The following GALNT17 variants were observed in gnomAD, a reference collection of about 807,000 sequenced individuals.
GALNT17 encodes the protein polypeptide N-acetylgalactosaminyltransferase 17, also known as UDP-GalNAc:polypeptide N-acetylgalactosaminyltransferase-like 3.
Under a neutral mutation model 63.7 loss-of-function variants are expected in GALNT17, and 29 were observed. The observed-to-expected ratio is 0.46, with a 90% CI of 0.34 to 0.62. The LOEUF is 0.62. GALNT17 is among the 20% of genes least tolerant of loss of function. The pLI, the probability that GALNT17 is intolerant of heterozygous loss-of-function variation, is 0.01. For synonymous variants in GALNT17, 305 were observed against 318.3 expected, an observed-to-expected ratio of 0.96 and a Z score of 0.45; for missense variants, 603 against 799.6, an observed-to-expected ratio of 0.75 and a Z score of 2.97.
At chr7:71,264,284 A>G (rs930411459) in intron 1 of GALNT17, among the ~76,000 whole-genome samples, 5 of 151,672 alleles carry the variant, frequency 3.3e-5, no homozygotes, top group Admixed American at 6.6e-5. Context: ...GAAGGACACA[A>G]CCCTTTATTT....
intron 3 of GALNT17, among the ~76,000 whole-genome samples, chr7:71,407,331 C>T (rs541123459): frequency 6.6e-6 from 1 of 152,164 alleles, no homozygotes; most frequent in Non-Finnish European, 1.5e-5. Flanking sequence ...GAGGGGCAGG[C>T]CAGCTGACCA....
At chr7:71,548,132 C>T (rs1259356282) in intron 5 of GALNT17, among the ~76,000 whole-genome samples, 1 of 151,386 alleles carries the variant, frequency 6.6e-6, no homozygotes, top group Non-Finnish European at 1.5e-5. Context: ...ATCCCAGCTA[C>T]TTGGGAGGCT....
chr7:71,458,758 A>G (rs986606344), intron 5 of GALNT17, among the ~76,000 whole-genome samples: 4 of 152,104 alleles, frequency 2.6e-5, no homozygotes, highest in Admixed American at 6.6e-5. Flanking sequence ...CTCCTCTCCA[A>G]CCGTCCCCAG....
intron 1 of GALNT17, among the ~76,000 whole-genome samples, chr7:71,193,339 A>G (rs895606705): frequency 2.0e-5 from 3 of 151,774 alleles, no homozygotes; most frequent in Non-Finnish European, 2.9e-5. Context: ...GCCTCAAGCC[A>G]TCTTCCTGCC....
chr7:71,651,955 G>A (rs1291353660), intron 6 of GALNT17, among the ~76,000 whole-genome samples: 2 of 152,164 alleles, frequency 1.3e-5, no homozygotes, highest in South Asian at 2.1e-4. Flanking sequence ...CCCCAGCTCG[G>A]CCTCCCAAAG....
intron 6 of GALNT17, among the ~76,000 whole-genome samples, chr7:71,654,696 T>G (rs200880442): frequency 2.0e-5 from 1 of 48,874 alleles, no homozygotes; most frequent in South Asian, 1.4e-3. Flanking sequence ...AATCTTTAAC[T>G]TCAGGTATCT....
chr7:71,494,134 AG>A (rs1267411243), intron 5 of GALNT17, among the ~76,000 whole-genome samples: 1 of 151,818 alleles, frequency 6.6e-6, no homozygotes, highest in Non-Finnish European at 1.5e-5. Context: ...GTGAAGGGGA[AG>A]CAAACTTGGG....
chr7:71,215,782 C>T (rs990428346), intron 1 of GALNT17, among the ~76,000 whole-genome samples: 3 of 152,194 alleles, frequency 2.0e-5, no homozygotes, highest in Non-Finnish European at 2.9e-5. Context: ...AGAACAAGGG[C>T]AGCGTTCTCA....
intron 9 of GALNT17, among the ~76,000 whole-genome samples, chr7:71,701,185 T>C (rs779800974): frequency 3.9e-5 from 6 of 152,038 alleles, no homozygotes; most frequent in Non-Finnish European, 8.8e-5. Context: ...AGGGAAAGTC[T>C]CAGAAAGAAT....
chr7:71,162,121 C>CT (rs752215574), intron 1 of GALNT17, among the ~76,000 whole-genome samples: 14,590 of 100,628 alleles, frequency 0.14, 1,269 homozygotes, highest in Non-Finnish European at 0.19. Flanking sequence ...CCCTCCCTCC[C>CT]TCCCTTCCTT....
intron 6 of GALNT17, among the ~76,000 whole-genome samples, chr7:71,634,396 G>A (rs1460744799): frequency 6.6e-6 from 1 of 152,222 alleles, no homozygotes; most frequent in African/African-American, 2.4e-5. Flanking sequence ...TTGTGCCCAA[G>A]GTGGTTGGGG....
intron 5 of GALNT17, among the ~76,000 whole-genome samples, chr7:71,422,550 T>C (rs1190102821): frequency 6.6e-6 from 1 of 152,240 alleles, no homozygotes; most frequent in Non-Finnish European, 1.5e-5. Context: ...TGTGGCTTGC[T>C]TCTTCAGTGC....
intron 1 of GALNT17, among the ~76,000 whole-genome samples, chr7:71,170,474 TACAGGC>T (rs974399378): frequency 8.1e-4 from 124 of 152,198 alleles, no homozygotes; most frequent in African/African-American, 2.8e-3. Context: ...TAGCTGTGAT[TACAGGC>T]ACATGCGATC....
chr7:71,640,721 T>TTTAATTTGATGCAC (rs1790591418), intron 6 of GALNT17, among the ~76,000 whole-genome samples: 1 of 152,066 alleles, frequency 6.6e-6, no homozygotes, highest in African/African-American at 2.4e-5. Flanking sequence ...GTGCATTTTG[T>TTTAATTTGATGCAC]TTAATTTGAT....
intron 1 of GALNT17, among the ~76,000 whole-genome samples, chr7:71,178,097 G>A (rs187976629): frequency 6.6e-6 from 1 of 152,020 alleles, no homozygotes; most frequent in African/African-American, 2.4e-5. Flanking sequence ...TGTAGTGTGG[G>A]TCTGCTTATA....
chr7:71,389,717 C>T (rs1339313264), intron 3 of GALNT17, among the ~76,000 whole-genome samples: 1 of 152,092 alleles, frequency 6.6e-6, no homozygotes, highest in Non-Finnish European at 1.5e-5. Flanking sequence ...CTTTGTTGTC[C>T]TTCTCCAAAA....
chr7:71,526,608 C>T (rs1472898731), intron 5 of GALNT17, among the ~76,000 whole-genome samples: 1 of 152,134 alleles, frequency 6.6e-6, no homozygotes, highest in Non-Finnish European at 1.5e-5. Flanking sequence ...CAACCTTTGC[C>T]TCCTGGGTTC....
intron 1 of GALNT17, among the ~76,000 whole-genome samples, chr7:71,202,777 A>G (rs1789199078): frequency 6.6e-6 from 1 of 152,202 alleles, no homozygotes; most frequent in South Asian, 2.1e-4. Context: ...CCCCACGGCC[A>G]CTGCCACCAG....
intron 5 of GALNT17, among the ~76,000 whole-genome samples, chr7:71,478,886 C>T (rs978233075): frequency 6.6e-6 from 1 of 152,170 alleles, no homozygotes; most frequent in Non-Finnish European, 1.5e-5. Context: ...GACAAAGTGG[C>T]AGCTGGATTT....
Sources: gnomAD v4.1 joint callset for allele counts (sites outside exome capture counted in the v4.1 genomes callset) on GRCh38, gnomAD v4.1.1 for gene constraint, MANE v1.5 for transcripts, NCBI Gene and HGNC (gene_info 2026-07-23, HGNC 2026-07-21) for gene names.